Variants in PPM1J observed in about 807,000 individuals in gnomAD.
The protein encoded by PPM1J is protein phosphatase, Mg2+/Mn2+ dependent 1J, also known as protein phosphatase 1J.
In PPM1J, 43 loss-of-function variants were observed where a neutral mutation model predicts 53.3. The ratio of observed to expected loss-of-function variants is 0.81; its 90% CI spans 0.63 to 1.04. PPM1J has a LOEUF of 1.04. Ranked by LOEUF, PPM1J falls within the 50% of genes least tolerant of loss-of-function variation. The probability of loss-of-function intolerance (pLI) is 0.00; values close to 1 mark genes in which losing one functional copy is unlikely to be tolerated. For missense variants in PPM1J, 635 were observed against 685.9 expected, an observed-to-expected ratio of 0.93 and a Z score of 0.83; for synonymous variants, 267 against 286.4, an observed-to-expected ratio of 0.93 and a Z score of 0.68.
In PPM1J at chr1:112,712,941, G is replaced by A. The variant is rs1227102992; in HGVS notation, c.532C>T (p.Arg178Ter). 8.7e-6 allele frequency: 14 copies of A among 1,613,848 alleles called. No individual in the cohort carries two copies. The highest frequency in any genetic ancestry group is 1.3e-5 in the African/African-American group (1 of 74,904). ...TCTACCAGGTCCTTTAGCTGCTCTC[G>A]GATATGGCGATGCAGGAGCCGTGAG... ...MASRLLHRHI[R>*]EQLKDLVEIL... is the part of the protein sequence containing the mutation. The change falls in exon 3 of 10, where the codon CGA becomes TGA. Residue 178 changes from arginine (R) to a stop codon, truncating the protein, a stop_gained. Transcript: ENST00000309276. LOFTEE classifies it high-confidence loss of function.
chr1:112,712,554 C>A, intron 3 of PPM1J, 97 bp from the exon 4 acceptor site: 3 of 1,243,372 alleles, frequency 2.4e-6, no homozygotes, highest in Non-Finnish European at 3.4e-6. Flanking sequence ...ATCAACTGGC[C>A]CAGCCAGGCT....
At position 112,712,808 on chromosome 1, in the gene PPM1J, G is replaced by T. The variant is rs1206969872; in HGVS notation, c.665C>A (p.Ser222Ter). The T allele has an allele frequency of 6.2e-7, 1 of 1,613,182 alleles. No homozygotes were observed. The highest frequency in any genetic ancestry group is 1.3e-5 in the African/African-American group (1 of 74,894). ...GCTCTCGTGGCTCACTTCCTTCTGT[G>T]AAGACCAGCAGGACTGAGGGCCAAG... ...HLLGPQSCWS[S>*]QKEVSHESLV... The change falls in exon 3 of 10, where the codon TCA (serine) becomes TAA (stop). Residue 222 changes from serine to a stop codon, truncating the protein, a stop_gained. Coordinates refer to ENST00000309276, the MANE Select transcript of PPM1J (RefSeq NM_005167.7). LOFTEE classifies it high-confidence loss of function.
At chr1:112,713,654 G>A (rs1411582555) in intron 1 of PPM1J, 43 bp from the exon 2 acceptor site, 6 of 1,479,122 alleles carry the variant, frequency 4.1e-6, no homozygotes, top group African/African-American at 1.4e-5. Flanking sequence ...CACCAGACCA[G>A]GTCCTGGAAT....
rs1421736880 is a variant in PPM1J, at chr1:112,714,174, G to C, written c.327-563C>G. ...GTAGAAGTGAAAGCCCACCTGGACT[G>C]GGCAGGAGCCACATACCCATAAACT... is the stretch of plus-strand genomic sequence containing the variant. On this transcript the variant is annotated intron_variant, in intron 1 of 9. Coordinates refer to ENST00000309276, the MANE Select transcript of PPM1J (RefSeq NM_005167.7). 6.0e-6 allele frequency: 6 copies of C among 992,932 alleles called. No homozygotes were observed. The Admixed American group carries it at 3.3e-4, about 55-fold the overall frequency. 61.5% of individuals were successfully genotyped at this position (992,932 alleles called of 1,614,324 possible). A position where few individuals can be genotyped will look rare whatever the true frequency, so the allele number is the denominator to read the frequency against.
rs368783995 is a variant in PPM1J, at chr1:112,712,352, C to T, written c.835G>A (p.Asp279Asn). Residue 279 changes from aspartate to asparagine, a missense_variant, in exon 4 of 10, where the codon GAT (aspartate) becomes AAT (asparagine). Coordinates refer to ENST00000309276, the MANE Select transcript of PPM1J (RefSeq NM_005167.7). ...LGKVYVANAGDSRAIIVRNGE... is the reference protein window; with the variant it reads ...LGKVYVANAGNSRAIIVRNGE... The stretch of plus-strand genomic sequence containing the variant: ...GAGCCCCCTCCCCCATACCTGCTAT[C>T]GCCTGCATTGGCCACGTACACCTTG... The T allele has an allele frequency of 1.1e-5, 17 of 1,611,004 alleles. No homozygotes were observed. Among genetic ancestry groups the T allele is most frequent in the Admixed American group, 3.3e-5 (2 of 59,772 alleles).
chr1:112,710,243 G>A lies in PPM1J; in HGVS notation c.1438C>T (p.Leu480Phe), dbSNP rs1398237546. ...CCGGAACCCAGCTTGTTGTTGGGGA[G>A]ACGCCAGCCACGGTCTCGGGGGGTA... ...RGTPRDRGWRLPNNKLGSGDD... is the reference protein window; with the variant it reads ...RGTPRDRGWRFPNNKLGSGDD... Residue 480 changes from leucine (L) to phenylalanine (F), a missense_variant, in exon 10 of 10, where the codon CTC (leucine) becomes TTC (phenylalanine). Physicochemically the swap from Leu to Phe is conservative, Grantham distance 22 (BLOSUM62 0). Coordinates refer to ENST00000309276, the MANE Select transcript of PPM1J (RefSeq NM_005167.7). 8 of 1,592,704 alleles carry A rather than the reference G, an allele frequency of 5.0e-6. No individual in the cohort carries two copies. Among genetic ancestry groups the A allele is most frequent in the Non-Finnish European group, 6.8e-6 (8 of 1,174,698 alleles).
Position 112,713,007 on chromosome 1 carries a change from G to C in PPM1J, c.466C>G (p.Leu156Val), listed in dbSNP as rs1173652660. ...CCGCCCCCTGCATGCCCATCAAATA[G>C]GCCCCAGTAGTAGAAGCAGAGTCCC... is the stretch of plus-strand genomic sequence containing the variant. ...GQGLCFYYWG[L>V]FDGHAGGGAA... Residue 156 changes from leucine to valine, a missense_variant, in exon 3 of 10, where the codon CTA (leucine) becomes GTA (valine). Coordinates refer to ENST00000309276, the MANE Select transcript of PPM1J (RefSeq NM_005167.7). 1 of 1,605,954 alleles carries C rather than the reference G, an allele frequency of 6.2e-7. No homozygotes were observed. The highest frequency in any genetic ancestry group is 1.1e-5 in the South Asian group (1 of 90,686).
chr1:112,713,720 G>A (rs1342977552), intron 1 of PPM1J, 109 bp from the exon 2 acceptor site: 2 of 905,532 alleles, frequency 2.2e-6, no homozygotes, highest in South Asian at 1.4e-5. Flanking sequence ...GCTGAGAAAG[G>A]TCACAGCCAC....
At position 112,712,366 on chromosome 1, in the gene PPM1J, ACG is replaced by A. The variant is rs765076496; in HGVS notation, c.819_820del (p.Val274GlyfsTer6). 1.1e-5 allele frequency: 17 copies of A among 1,613,204 alleles called. No homozygotes were observed. In the African/African-American group the frequency reaches 2.3e-4, roughly 22 times the overall value. ...ATACCTGCTATCGCCTGCATTGGCC[ACG>A]TACACCTTGCCTAGCAGGTAGATCA... On this transcript the variant is annotated frameshift_variant, in exon 4 of 10. Coordinates refer to ENST00000309276, the MANE Select transcript of PPM1J (RefSeq NM_005167.7). LOFTEE classifies it high-confidence loss of function.
Position 112,711,080 on chromosome 1 carries a change from G to C in PPM1J, c.1047-9C>G, listed in dbSNP as rs199944433. The C allele has an allele frequency of 7.8e-5, 126 of 1,613,642 alleles. No individual in the cohort carries two copies. In the East Asian group the frequency reaches 2.4e-3, roughly 31 times the overall value. Reference sequence around the variant, plus strand: ...CGATCTTTTTGTAGGCCCTGGGGAGGGGGGAGTAGAGGAGGCATCACCCAG... The same window carrying C: ...CGATCTTTTTGTAGGCCCTGGGGAGCGGGGAGTAGAGGAGGCATCACCCAG... On this transcript the variant is annotated splice_polypyrimidine_tract_variant and intron_variant, in intron 6 of 9. Transcript: ENST00000309276.
rs1019704591 is a variant in PPM1J, at chr1:112,712,369, T to A, written c.818A>T (p.Tyr273Phe). The A allele has an allele frequency of 8.1e-6, 13 of 1,613,626 alleles. No homozygotes were observed. The Admixed American group carries it at 2.0e-4, about 25-fold the overall frequency. Residue 273 changes from tyrosine (Y) to phenylalanine (F), a missense_variant, in exon 4 of 10, where the codon TAC becomes TTC. Physicochemically the swap from Tyr to Phe is conservative, Grantham distance 22. Transcript: ENST00000309276. Reference sequence around the variant, plus strand: ...CCTGCTATCGCCTGCATTGGCCACGTACACCTTGCCTAGCAGGTAGATCAC... The same window carrying A: ...CCTGCTATCGCCTGCATTGGCCACGAACACCTTGCCTAGCAGGTAGATCAC... ...LVVIYLLGKV[Y>F]VANAGDSRAI...
chr1:112,715,213 T>C lies in PPM1J; in HGVS notation c.89A>G (p.Asn30Ser). The change falls in exon 1 of 10, where the codon AAC (asparagine) becomes AGC (serine). Residue 30 changes from asparagine to serine, a missense_variant. By Grantham distance (46) the Asn-to-Ser change is conservative. Coordinates refer to ENST00000309276, the MANE Select transcript of PPM1J (RefSeq NM_005167.7). The surrounding 1 kb of genome is among the most constrained non-coding windows in gnomAD (Gnocchi z 4.4). ...PPRPKSPDLP[N>S]AASAPPAAAP... ...GGCGGCGGGCGGCGCCGAGGCGGCG[T>C]TGGGCAGGTCCGGGGATTTGGGGCG... The C allele has an allele frequency of 2.1e-6, 3 of 1,441,574 alleles. No individual in the cohort carries two copies. Among genetic ancestry groups the C allele is most frequent in the Non-Finnish European group, 2.7e-6 (3 of 1,109,778 alleles). The allele number at this position is 1,441,574 out of a possible 1,614,324, so 89.3% of individuals were successfully genotyped here.
chr1:112,714,908 C>T lies in PPM1J; in HGVS notation c.326+68G>A, dbSNP rs911119863. On this transcript the variant is annotated intron_variant, in intron 1 of 9. Transcript: ENST00000309276. ...CGGCGTGGGGAACGCGTCCTAGCGC[C>T]GGGGATGCGGAGCTGGGGAGAGGGG... 6 of 1,320,924 alleles carry T rather than the reference C, an allele frequency of 4.5e-6. No individual in the cohort carries two copies. In the South Asian group the frequency reaches 1.2e-4, roughly 25 times the overall value. The allele number at this position is 1,320,924 out of a possible 1,614,324, so 81.8% of individuals were successfully genotyped here.
chr1:112,710,019 C>T lies in PPM1J; in HGVS notation c.*144G>A. Reference sequence around the variant, plus strand: ...CACCTTTATCCATCTCGTTTATTTGCCAATAGCTGTAATTTTGGATATAGC... The same window carrying T: ...CACCTTTATCCATCTCGTTTATTTGTCAATAGCTGTAATTTTGGATATAGC... On this transcript the variant is annotated 3_prime_UTR_variant, in exon 10 of 10. Transcript: ENST00000309276. The T allele has an allele frequency of 6.9e-7, 1 of 1,452,682 alleles. No individual in the cohort carries two copies. 90.0% of individuals were successfully genotyped at this position (1,452,682 alleles called of 1,614,324 possible).
rs1176146090 is a variant in PPM1J, at chr1:112,712,945, A to G, written c.528T>C (p.His176=). Residue 176 remains histidine (H), a synonymous_variant, in exon 3 of 10, where the codon CAT becomes CAC. Transcript: ENST00000309276. The stretch of plus-strand genomic sequence containing the variant: ...CCAGGTCCTTTAGCTGCTCTCGGAT[A>G]TGGCGATGCAGGAGCCGTGAGGCCA... ...AEMASRLLHR[H]IREQLKDLVE... is the part of the protein sequence containing the mutation. 15 of 1,613,856 alleles carry G rather than the reference A, an allele frequency of 9.3e-6. No individual in the cohort carries two copies. Among genetic ancestry groups the G allele is most frequent in the Non-Finnish European group, 1.2e-5 (14 of 1,180,026 alleles).
At position 112,712,073 on chromosome 1, in the gene PPM1J, AG is replaced by A. The variant is rs776341587; in HGVS notation, c.843-19del. 6.3e-7 allele frequency: 1 copy of A among 1,590,696 alleles called. No individual in the cohort carries two copies. The highest frequency in any genetic ancestry group is 2.2e-5 in the East Asian group (1 of 44,532). ...TGATGGCCCTGCCCAAAGAAAGAAA[AG>A]GAATTGGGACCTGGTTCTCTTCAGA... On this transcript the variant is annotated intron_variant, in intron 4 of 9. Coordinates refer to ENST00000309276, the MANE Select transcript of PPM1J (RefSeq NM_005167.7).
At position 112,715,074 on chromosome 1, in the gene PPM1J, G is replaced by T. The variant is rs773596712; in HGVS notation, c.228C>A (p.Ser76Arg). 2 of 1,554,876 alleles carry T rather than the reference G, an allele frequency of 1.3e-6. No homozygotes were observed. Among genetic ancestry groups the T allele is most frequent in the Non-Finnish European group, 8.6e-7 (1 of 1,159,912 alleles). The change falls in exon 1 of 10, where the codon AGC becomes AGA. Residue 76 changes from serine to arginine, a missense_variant. Physicochemically the swap from Ser to Arg is moderately radical, Grantham distance 110 (BLOSUM62 -1). Coordinates refer to ENST00000309276, the MANE Select transcript of PPM1J (RefSeq NM_005167.7). This position sits in a 1 kb window ranked among gnomAD's most constrained non-coding sequence, Gnocchi z 4.4. ...SFSRPTFLQL[S>R]PGGLRRADDH... ...CATCGGCGCGTCGCAGCCCCCCGGGGCTCAGCTGCAGAAAGGTCGGTCTGG... is the reference window on the plus strand; with the variant it reads ...CATCGGCGCGTCGCAGCCCCCCGGGTCTCAGCTGCAGAAAGGTCGGTCTGG...
chr1:112,714,818 G>T lies in PPM1J; in HGVS notation c.326+158C>A, dbSNP rs41283080. The T allele has an allele frequency of 6.9e-3, 8,876 of 1,280,598 alleles. 57 individuals are homozygous for T. The highest frequency in any genetic ancestry group is 0.017 in the South Asian group (663 of 39,718). 79.3% of individuals were successfully genotyped at this position (1,280,598 alleles called of 1,614,324 possible). A position where few individuals can be genotyped will look rare whatever the true frequency, so the allele number is the denominator to read the frequency against. ...CCCCCACTGGAAAATGGGTTGGGAG[G>T]GGGTGCGGCCCGAAGACCAGAGGAT... On this transcript the variant is annotated intron_variant, in intron 1 of 9. Coordinates refer to ENST00000309276, the MANE Select transcript of PPM1J (RefSeq NM_005167.7).
At chr1:112,711,884 G>T (rs1675071583) in intron 5 of PPM1J, 87 bp downstream of exon 5, 2 of 881,240 alleles carry the variant, frequency 2.3e-6, no homozygotes, top group East Asian at 2.6e-5. Context: ...GCCTGTGGTG[G>T]GGGTGTGAGA....
Sources: gnomAD v4.1 joint callset for allele counts on GRCh38, gnomAD v4.1.1 for gene constraint, Gnocchi (gnomAD v3.1) non-coding constraint, MANE v1.5 for transcripts, NCBI Gene and HGNC (gene_info 2026-07-23, HGNC 2026-07-21) for gene names.